Variants in SGMS1 observed in about 807,000 individuals in gnomAD.
SGMS1 encodes sphingomyelin synthase 1.
A neutral mutation model predicts 46.2 loss-of-function variants in SGMS1; 13 were observed. The ratio of observed to expected loss-of-function variants is 0.28; its 90% CI spans 0.18 to 0.45. The LOEUF is 0.45. SGMS1 is among the 20% of genes least tolerant of loss of function. The probability of loss-of-function intolerance (pLI) is 1.00; values close to 1 mark genes in which losing one functional copy is unlikely to be tolerated. For synonymous variants in SGMS1, 203 were observed against 187.8 expected, an observed-to-expected ratio of 1.08 and a Z score of -0.66; for missense variants, 324 against 519.9, an observed-to-expected ratio of 0.62 and a Z score of 3.66.
intron 6 of SGMS1, among the ~76,000 whole-genome samples, chr10:50,398,303 C>T: frequency 6.6e-6 from 1 of 152,108 alleles, no homozygotes; most frequent in Non-Finnish European, 1.5e-5. Flanking sequence ...CAGGAACTAT[C>T]AGATGACTTC....
At chr10:50,565,571 C>A (rs769376271) in intron 2 of SGMS1, among the ~76,000 whole-genome samples, 2 of 152,122 alleles carry the variant, frequency 1.3e-5, no homozygotes, top group African/African-American at 4.8e-5. Flanking sequence ...TCAACTCTAC[C>A]GAAAGTGTCC....
intron 2 of SGMS1, among the ~76,000 whole-genome samples, chr10:50,542,585 T>G (rs1269566793): frequency 6.6e-6 from 1 of 150,514 alleles, no homozygotes. Context: ...AAAAGCAAAC[T>G]ACCATAAAGA....
intron 6 of SGMS1, chr10:50,418,489 C>T (rs1849211712): frequency 6.6e-6 from 1 of 152,284 alleles, no homozygotes; most frequent in Admixed American, 6.5e-5. Context: ...TGAGTCAGCC[C>T]GTTCAGTCCT....
At chr10:50,333,405 C>G (rs1437825690) in intron 7 of SGMS1, among the ~76,000 whole-genome samples, 1 of 152,218 alleles carries the variant, frequency 6.6e-6, no homozygotes, top group Non-Finnish European at 1.5e-5. Context: ...CCCTGATGCT[C>G]ACTATCCCTT....
At chr10:50,484,649 AAAATACTGGC>A (rs1837504621) in intron 3 of SGMS1, among the ~76,000 whole-genome samples, 1 of 152,218 alleles carries the variant, frequency 6.6e-6, no homozygotes, top group Non-Finnish European at 1.5e-5. Context: ...AGTCCCCAAC[AAAATACTGGC>A]AAACTGAATC....
intron 6 of SGMS1, among the ~76,000 whole-genome samples, chr10:50,411,811 T>A (rs891909243): frequency 6.6e-6 from 1 of 152,208 alleles, no homozygotes; most frequent in Non-Finnish European, 1.5e-5. Context: ...CCAGGTTTCT[T>A]TGCCAATACT....
intron 5 of SGMS1, among the ~76,000 whole-genome samples, chr10:50,446,090 T>C (rs1203389): frequency 0.56 from 85,219 of 151,876 alleles, 24,240 homozygotes; most frequent in Non-Finnish European, 0.59. Context: ...TCAAACCCTG[T>C]CTCCTGGTAA....
At chr10:50,547,731 T>C (rs1297408614) in intron 2 of SGMS1, among the ~76,000 whole-genome samples, 4 of 151,982 alleles carry the variant, frequency 2.6e-5, no homozygotes, top group East Asian at 3.9e-4. Flanking sequence ...CTGGCAGAGA[T>C]ACAACAAAAA....
chr10:50,360,769 AC>A (rs1848233696), intron 6 of SGMS1, among the ~76,000 whole-genome samples: 1 of 152,196 alleles, frequency 6.6e-6, no homozygotes. Flanking sequence ...TATTTCTATC[AC>A]ACAACACTCA....
chr10:50,457,404 GT>G (rs937766731), intron 5 of SGMS1, among the ~76,000 whole-genome samples: 2 of 152,056 alleles, frequency 1.3e-5, no homozygotes, highest in Admixed American at 6.5e-5. Context: ...TTAAGCAAAT[GT>G]TTTTTACATT....
chr10:50,405,121 T>C (rs778258064), intron 6 of SGMS1, among the ~76,000 whole-genome samples: 26 of 152,168 alleles, frequency 1.7e-4, no homozygotes, highest in Non-Finnish European at 2.4e-4. Context: ...CTTTCTAAAC[T>C]ATTTGATATC....
intron 5 of SGMS1, among the ~76,000 whole-genome samples, chr10:50,445,862 A>G (rs1837005511): frequency 6.6e-6 from 1 of 152,152 alleles, no homozygotes; most frequent in Non-Finnish European, 1.5e-5. Flanking sequence ...AGCAAATAGG[A>G]GAAATATCAC....
At chr10:50,624,746 G>C, upstream of SGMS1, 8 of 985,448 alleles carry the variant, frequency 8.1e-6, no homozygotes, top group South Asian at 4.7e-5. Context: ...CGAAGCCCCA[G>C]CGCCCAAGTT....
At chr10:50,622,356 C>G (rs1838860153) in intron 1 of SGMS1, among the ~76,000 whole-genome samples, 1 of 152,172 alleles carries the variant, frequency 6.6e-6, no homozygotes, top group African/African-American at 2.4e-5. Context: ...TCCTACGTCA[C>G]CAGTCCCACT....
chr10:50,506,962 G>C (rs1349500692), intron 3 of SGMS1, among the ~76,000 whole-genome samples: 3 of 152,194 alleles, frequency 2.0e-5, no homozygotes, highest in Non-Finnish European at 4.4e-5. Context: ...CCCCTGCAAA[G>C]CATGTCCATT....
At chr10:50,523,242 A>T (rs1837871632) in intron 2 of SGMS1, among the ~76,000 whole-genome samples, 2 of 152,236 alleles carry the variant, frequency 1.3e-5, no homozygotes, top group African/African-American at 4.8e-5. Context: ...CTTTAATAGT[A>T]AATGATGATT....
intron 6 of SGMS1, among the ~76,000 whole-genome samples, chr10:50,353,116 C>G (rs1322703672): frequency 6.6e-6 from 1 of 152,208 alleles, no homozygotes; most frequent in Admixed American, 6.5e-5. Context: ...GATACCAAAG[C>G]CTGGCAGAGA....
intron 6 of SGMS1, among the ~76,000 whole-genome samples, chr10:50,361,339 T>TG (rs1848244156): frequency 1.4e-5 from 2 of 143,170 alleles, no homozygotes; most frequent in Non-Finnish European, 3.1e-5. Flanking sequence ...TCTCTCCTCA[T>TG]ACCCCCAGGA....
intron 8 of SGMS1, among the ~76,000 whole-genome samples, chr10:50,312,774 C>A (rs1163273706): frequency 6.6e-6 from 1 of 152,100 alleles, no homozygotes; most frequent in Non-Finnish European, 1.5e-5. Context: ...ACAGAGGGTA[C>A]AGTCTCCAAA....
Sources: gnomAD v4.1 joint callset for allele counts (sites outside exome capture counted in the v4.1 genomes callset) on GRCh38, gnomAD v4.1.1 for gene constraint, MANE v1.5 for transcripts, NCBI Gene and HGNC (gene_info 2026-07-23, HGNC 2026-07-21) for gene names.